FER: variants seen among roughly 807,000 people sequenced by gnomAD.
FER encodes the protein tyrosine-protein kinase Fer.
In FER, 63 loss-of-function variants were observed where a neutral mutation model predicts 111.0. That is an observed-to-expected ratio of 0.57 (90% confidence interval 0.46 to 0.70). The LOEUF is 0.70. Ranked by LOEUF, FER falls within the 30% of genes least tolerant of loss-of-function variation. The probability of loss-of-function intolerance (pLI) is 0.00; values close to 1 mark genes in which losing one functional copy is unlikely to be tolerated. For missense variants in FER, 914 were observed against 954.0 expected (o/e 0.96, Z 0.55); for synonymous variants, 327 against 313.9 (o/e 1.04, Z -0.44).
chr5:108,957,795 A>C (rs1023733235), intron 12 of FER, among the ~76,000 whole-genome samples: 3 of 151,618 alleles, frequency 2.0e-5, no homozygotes, highest in African/African-American at 7.2e-5. Context: ...TTTGCATGTT[A>C]ATAGTTATTC....
At chr5:109,186,496 T>G (rs1414429009) in intron 19 of FER, among the ~76,000 whole-genome samples, 174 bp downstream of exon 19, 1 of 152,128 alleles carries the variant, frequency 6.6e-6, no homozygotes, top group Non-Finnish European at 1.5e-5. Flanking sequence ...TCCAAACACT[T>G]TGAAGGATTT....
chr5:109,092,307 A>C (rs912738405), intron 16 of FER, among the ~76,000 whole-genome samples: 3 of 146,736 alleles, frequency 2.0e-5, no homozygotes, highest in Non-Finnish European at 3.0e-5. Context: ...AAAAAAAAAA[A>C]AAAACATCAG....
intron 1 of FER, among the ~76,000 whole-genome samples, chr5:108,749,329 G>T (rs1184038860): frequency 6.6e-6 from 1 of 152,158 alleles, no homozygotes; most frequent in Non-Finnish European, 1.5e-5. Flanking sequence ...CTGAGGGGGC[G>T]GGTGCCGGCG....
chr5:109,147,554 ATTAG>A (rs1754355497), intron 17 of FER, among the ~76,000 whole-genome samples: 1 of 152,042 alleles, frequency 6.6e-6, no homozygotes, highest in African/African-American at 2.4e-5. Context: ...ACAATCAAGT[ATTAG>A]TTCTATAAAC....
At position 109,060,787 on chromosome 5, in the gene FER, T is replaced by TATATATATATATAC. The variant is rs571418220; in HGVS notation, c.1924+13590_1924+13591insTATATATATATACA. On this transcript the variant is annotated intron_variant, in intron 16 of 19. Transcript: ENST00000281092. ...GTGTGTGTGTGTATATATATATATA[T>TATATATATATATAC]ACACACCAAACACACATATGTAAAC... is the stretch of plus-strand genomic sequence containing the variant. Among the ~76,000 whole-genome samples the TATATATATATATAC allele has an allele frequency of 8.6e-3, 1,282 of 149,756 alleles. 8 individuals are homozygous for TATATATATATATAC. The highest frequency in any genetic ancestry group is 0.014 in the Non-Finnish European group (911 of 66,952).
Position 109,181,015 on chromosome 5 carries a change from G to T in FER, c.2203+114G>T, listed in dbSNP as rs1255819801. 5.0e-6 allele frequency: 4 copies of T among 802,070 alleles called. No individual in the cohort carries two copies. The African/African-American group carries it at 7.2e-5, about 14-fold the overall frequency. 49.7% of individuals were successfully genotyped at this position (802,070 alleles called of 1,614,324 possible). A position where few individuals can be genotyped will look rare whatever the true frequency, so the allele number is the denominator to read the frequency against. ...AGAATGCAAGTTAGAATGATTTGAG[G>T]ATCAACACAAATAAGTGAATTTCAT... On this transcript the variant is annotated intron_variant, in intron 18 of 19. Coordinates refer to ENST00000281092, the MANE Select transcript of FER (RefSeq NM_005246.4).
At chr5:109,150,024 C>T (rs535312069) in intron 17 of FER, among the ~76,000 whole-genome samples, 86 of 152,210 alleles carry the variant, frequency 5.7e-4, no homozygotes, top group Non-Finnish European at 9.6e-4. Flanking sequence ...GCACTCCTTA[C>T]GAAAATCTAA....
At chr5:108,986,291 T>G (rs1390427334) in intron 13 of FER, among the ~76,000 whole-genome samples, 2 of 145,646 alleles carry the variant, frequency 1.4e-5, no homozygotes, top group Non-Finnish European at 3.1e-5. Context: ...GTTTTTTTCT[T>G]CTCTTTTTTT....
At chr5:108,980,112 A>C (rs1477498481) in intron 13 of FER, among the ~76,000 whole-genome samples, 3 of 152,178 alleles carry the variant, frequency 2.0e-5, no homozygotes, top group African/African-American at 7.2e-5. Flanking sequence ...AACAGAAACA[A>C]ATCCTTGAAA....
At chr5:108,806,519 T>G (rs1288303481) in intron 3 of FER, among the ~76,000 whole-genome samples, 1 of 152,138 alleles carries the variant, frequency 6.6e-6, no homozygotes, top group Non-Finnish European at 1.5e-5. Context: ...ACCAACAGTC[T>G]GTGAAAGCAG....
chr5:108,882,002 A>G (rs985128541), intron 8 of FER, among the ~76,000 whole-genome samples: 5 of 152,238 alleles, frequency 3.3e-5, no homozygotes, highest in African/African-American at 1.2e-4. Context: ...TTTTAATTTA[A>G]AATTGTATCT....
intron 10 of FER, among the ~76,000 whole-genome samples, chr5:108,898,857 C>A (rs1749581168): frequency 6.6e-6 from 1 of 151,404 alleles, no homozygotes; most frequent in South Asian, 2.1e-4. Context: ...GCTGGTAAAC[C>A]TCTTAGAATG....
intron 17 of FER, among the ~76,000 whole-genome samples, chr5:109,174,436 T>G (rs1282408914): frequency 6.6e-6 from 1 of 152,164 alleles, no homozygotes; most frequent in East Asian, 1.9e-4. Flanking sequence ...GTTTTTGTTT[T>G]TTAAAAAAGG....
At chr5:108,755,443 C>T (rs1405936762) in intron 1 of FER, among the ~76,000 whole-genome samples, 1 of 152,122 alleles carries the variant, frequency 6.6e-6, no homozygotes, top group Non-Finnish European at 1.5e-5. Context: ...TCACATTCTA[C>T]AAAGAAAAGT....
At chr5:108,872,713 A>T (rs1386553554) in intron 8 of FER, among the ~76,000 whole-genome samples, 1 of 152,158 alleles carries the variant, frequency 6.6e-6, no homozygotes, top group Non-Finnish European at 1.5e-5. Flanking sequence ...AAAATATTAA[A>T]GGAATTTTGA....
At chr5:109,114,080 G>C (rs1288507391) in intron 17 of FER, among the ~76,000 whole-genome samples, 1 of 152,116 alleles carries the variant, frequency 6.6e-6, no homozygotes, top group Non-Finnish European at 1.5e-5. Flanking sequence ...TTGAAAGTCT[G>C]TGTGTCCACT....
chr5:108,932,319 G>A (rs1334309344), intron 10 of FER, among the ~76,000 whole-genome samples: 7 of 152,008 alleles, frequency 4.6e-5, no homozygotes, highest in Middle Eastern at 3.2e-3. Context: ...ATGGTTTCCC[G>A]CTTCATCCAT....
intron 13 of FER, among the ~76,000 whole-genome samples, chr5:108,978,080 C>G (rs935604670): frequency 6.6e-6 from 1 of 152,154 alleles, no homozygotes; most frequent in Admixed American, 6.5e-5. Flanking sequence ...CTCCTGAGCT[C>G]AAGCGTCTGC....
chr5:109,040,523 C>G (rs899711647), intron 14 of FER, among the ~76,000 whole-genome samples: 8 of 152,084 alleles, frequency 5.3e-5, no homozygotes, highest in African/African-American at 1.9e-4. Context: ...TGGGATTTAG[C>G]AATGAGAGGA....
Sources: allele counts gnomAD v4.1 joint callset (sites outside exome capture counted in the v4.1 genomes callset), GRCh38; gene constraint gnomAD v4.1.1; transcripts MANE v1.5; gene names NCBI Gene and HGNC (gene_info 2026-07-23, HGNC 2026-07-21).